Variants in CPD observed in about 807,000 individuals in gnomAD.
The protein encoded by CPD is carboxypeptidase D, also known as metallocarboxypeptidase D.
In CPD, 69 loss-of-function variants were observed where a neutral mutation model predicts 138.3. The ratio of observed to expected loss-of-function variants is 0.50; its 90% confidence interval spans 0.41 to 0.61. The LOEUF (loss-of-function observed/expected upper bound fraction) is 0.61. Among genes scored for constraint, CPD ranks in the 20% least tolerant of loss-of-function variants. The probability of loss-of-function intolerance (pLI) is 0.00; values close to 1 mark genes in which losing one functional copy is unlikely to be tolerated. For missense variants in CPD, 1,432 were observed against 1,733.3 expected (o/e 0.83, Z 3.09); for synonymous variants, 651 against 642.1 (o/e 1.01, Z -0.21).
chr17:30,406,300 T>C (rs1352430190), intron 2 of CPD, among the ~76,000 whole-genome samples: 2 of 152,136 alleles, frequency 1.3e-5, no homozygotes, highest in Admixed American at 6.6e-5. Flanking sequence ...CTTGTCTCCA[T>C]GAATCTGACT....
intron 2 of CPD, among the ~76,000 whole-genome samples, chr17:30,387,643 T>G (rs1460820597): frequency 6.6e-6 from 1 of 152,214 alleles, no homozygotes; most frequent in Non-Finnish European, 1.5e-5. Flanking sequence ...ATGCCTTAGG[T>G]CTTCCTTACC....
intron 2 of CPD, among the ~76,000 whole-genome samples, chr17:30,419,443 G>T (rs538962456): frequency 1.3e-5 from 2 of 152,118 alleles, no homozygotes; most frequent in Non-Finnish European, 2.9e-5. Context: ...GGGTTCAAGC[G>T]ATTCTTCTGC....
At chr17:30,418,798 G>A (rs1206313725) in intron 2 of CPD, among the ~76,000 whole-genome samples, 3 of 152,160 alleles carry the variant, frequency 2.0e-5, no homozygotes, top group Non-Finnish European at 4.4e-5. Context: ...CTCCTGAGAT[G>A]AGATGTCATG....
At chr17:30,457,666 T>G (rs74371813) in intron 17 of CPD, among the ~76,000 whole-genome samples, 2 of 142,342 alleles carry the variant, frequency 1.4e-5, no homozygotes, top group Admixed American at 1.4e-4. Context: ...TATTTGCTGG[T>G]TTTTTTTTTT....
At chr17:30,453,479 G>A (rs1285376910) in intron 14 of CPD, among the ~76,000 whole-genome samples, 1 of 152,184 alleles carries the variant, frequency 6.6e-6, no homozygotes, top group Non-Finnish European at 1.5e-5. Flanking sequence ...ATGGTCTTGG[G>A]CAGCTCCACC....
Position 30,431,857 on chromosome 17 carries a change from A to G in CPD, c.2103A>G (p.Gln701=). ...AATCACCAGATGATGCTGTGTTCCA[A>G]CAAATAGCACTTTCTTATTCCAAGG... ...YSKSPDDAVF[Q]QIALSYSKEN... The change falls in exon 8 of 21, where the codon CAA becomes CAG. Residue 701 remains glutamine (Q), a synonymous_variant. Transcript: ENST00000225719. The G allele has an allele frequency of 6.2e-7, 1 of 1,607,514 alleles. No homozygotes were observed. Among genetic ancestry groups the G allele is most frequent in the Non-Finnish European group, 8.5e-7 (1 of 1,175,554 alleles).
chr17:30,445,837 C>T lies in CPD; in HGVS notation c.2690C>T (p.Pro897Leu). The change falls in exon 12 of 21, where the codon CCA becomes CTA. Residue 897 changes from proline to leucine, a missense_variant. By Grantham distance (98) the Pro-to-Leu change is moderately conservative (BLOSUM62 -3). Transcript: ENST00000225719. ...ASSSTNDASD[P>L]TTKEFETLIK... ...AGCAGCACCAATGATGCCAGTGATC[C>T]AACTACTAAAGAGTTTGAAACTTTA... 6.2e-7 allele frequency: 1 copy of T among 1,614,084 alleles called. No individual in the cohort carries two copies. Among genetic ancestry groups the T allele is most frequent in the South Asian group, 1.1e-5 (1 of 91,086 alleles).
intron 6 of CPD, among the ~76,000 whole-genome samples, chr17:30,425,655 CA>C (rs11337028): frequency 0.72 from 82,207 of 113,462 alleles, 27,263 homozygotes; most frequent in East Asian, 0.79. Flanking sequence ...GACTCTGTCT[CA>C]AAAAAAAAAA....
intron 2 of CPD, among the ~76,000 whole-genome samples, chr17:30,416,049 A>G (rs1052125484): frequency 6.6e-6 from 1 of 152,114 alleles, no homozygotes; most frequent in African/African-American, 2.4e-5. Flanking sequence ...AAAATGTTCT[A>G]GGGCTGGGTG....
At chr17:30,401,761 C>G (rs1025290541) in intron 2 of CPD, among the ~76,000 whole-genome samples, 2 of 152,156 alleles carry the variant, frequency 1.3e-5, no homozygotes, top group African/African-American at 4.8e-5. Context: ...GTTGAGATTA[C>G]AGGCATGAGC....
chr17:30,388,627 G>A (rs1911261531), intron 2 of CPD, among the ~76,000 whole-genome samples: 1 of 152,196 alleles, frequency 6.6e-6, no homozygotes, highest in Admixed American at 6.5e-5. Context: ...CAAGGGTAAG[G>A]GGGGCCTAGG....
rs762154184 is a variant in CPD at position 30,379,428 on chromosome 17, A to T, written c.448A>T (p.Ile150Phe). The T allele has an allele frequency of 1.1e-5, 18 of 1,566,904 alleles. No individual in the cohort carries two copies. The highest frequency in any genetic ancestry group is 1.5e-5 in the Non-Finnish European group (17 of 1,165,280). The change falls in exon 1 of 21, where the codon ATC becomes TTC. Residue 150 changes from isoleucine to phenylalanine, a missense_variant. Transcript: ENST00000225719. This position sits in a 1 kb window ranked among gnomAD's most constrained non-coding sequence, Gnocchi z 7.0. ...GDETVSRQVL[I>F]YLARELAAGY... Reference sequence around the variant, plus strand: ...CGAGACCGTGTCGCGCCAGGTGTTGATCTACTTGGCCCGCGAGCTGGCGGC... The same window carrying T: ...CGAGACCGTGTCGCGCCAGGTGTTGTTCTACTTGGCCCGCGAGCTGGCGGC...
intron 13 of CPD, 145 bp from the exon 14 acceptor site, chr17:30,451,566 T>C (rs1382611223): frequency 1.4e-6 from 1 of 732,802 alleles, no homozygotes; most frequent in Non-Finnish European, 2.1e-6. Flanking sequence ...AAAGGAAATT[T>C]AATTTTTTAT....
intron 13 of CPD, chr17:30,450,382 G>A (rs1016289204): frequency 6.6e-6 from 1 of 152,176 alleles, no homozygotes; most frequent in Non-Finnish European, 1.5e-5. Flanking sequence ...TCTGACTTGA[G>A]GGACTTCCAT....
chr17:30,427,461 G>A lies in CPD; in HGVS notation c.1920G>A (p.Gln640=). The A allele has an allele frequency of 6.2e-7, 1 of 1,614,118 alleles. No homozygotes were observed. The highest frequency in any genetic ancestry group is 8.5e-7 in the Non-Finnish European group (1 of 1,180,004). The change falls in exon 7 of 21, where the codon CAG becomes CAA. Residue 640 remains glutamine, a synonymous_variant. Transcript: ENST00000225719. ...NFDLNRNFPD[Q]FVQITDPTQP... ...ACCTGAACCGAAATTTCCCAGACCA[G>A]TTTGTTCAGATCACAGATCCTACGC...
intron 10 of CPD, 128 bp from the exon 11 acceptor site, chr17:30,443,669 TTACTC>T (rs2143470452): frequency 3.6e-6 from 3 of 822,568 alleles, no homozygotes; most frequent in Non-Finnish European, 5.5e-6. Flanking sequence ...ACATTGAACT[TTACTC>T]TGAACTCCTA....
At chr17:30,462,229 G>A (rs1255440727) in intron 19 of CPD, 141 bp from the exon 20 acceptor site, 5 of 1,070,318 alleles carry the variant, frequency 4.7e-6, no homozygotes, top group Non-Finnish European at 6.7e-6. Context: ...GCTAACAAAA[G>A]GGAAAATTTT....
intron 2 of CPD, among the ~76,000 whole-genome samples, chr17:30,388,153 G>A (rs375011953): frequency 3.3e-5 from 5 of 152,290 alleles, no homozygotes; most frequent in South Asian, 4.1e-4. Context: ...ACTGAGCCCA[G>A]GGCTTTTATG....
At chr17:30,425,193 G>A (rs1350516146) in intron 6 of CPD, among the ~76,000 whole-genome samples, 1 of 152,140 alleles carries the variant, frequency 6.6e-6, no homozygotes. Context: ...AATATGCACA[G>A]TTAAGCTTAA....
Sources: allele counts gnomAD v4.1 joint callset (sites outside exome capture counted in the v4.1 genomes callset), GRCh38; gene constraint gnomAD v4.1.1; non-coding constraint Gnocchi (gnomAD v3.1); transcripts MANE v1.5; gene names NCBI Gene and HGNC (gene_info 2026-07-23, HGNC 2026-07-21).